Variants in SOAT2 observed in about 807,000 individuals in gnomAD.
SOAT2 encodes the protein sterol O-acyltransferase 2.
Under a neutral mutation model 76.0 loss-of-function variants are expected in SOAT2, and 87 were observed. That is an observed-to-expected ratio of 1.14 (90% confidence interval 0.96 to 1.37). The LOEUF (loss-of-function observed/expected upper bound fraction) is 1.37. Among genes scored for constraint, SOAT2 ranks in the 40% most tolerant of loss-of-function variants. The pLI is 0.00. For synonymous variants in SOAT2, 285 were observed against 275.4 expected, an observed-to-expected ratio of 1.03 and a Z score of -0.34; for missense variants, 686 against 682.1, an observed-to-expected ratio of 1.01 and a Z score of -0.06.
intron 12 of SOAT2, among the ~76,000 whole-genome samples, chr12:53,122,579 C>A (rs1938208180): frequency 6.6e-6 from 1 of 151,992 alleles, no homozygotes; most frequent in Non-Finnish European, 1.5e-5. Flanking sequence ...CAAAGCACAT[C>A]TTGCACCGCC....
chr12:53,122,281 A>G (rs1938202456), intron 12 of SOAT2, among the ~76,000 whole-genome samples: 1 of 141,284 alleles, frequency 7.1e-6, no homozygotes, highest in Non-Finnish European at 1.5e-5. Flanking sequence ...TACATTCATT[A>G]GCAGAAATAC....
Position 53,105,971 on chromosome 12 carries a change from T to A in SOAT2, c.400T>A (p.Phe134Ile). 6.2e-7 allele frequency: 1 copy of A among 1,614,060 alleles called. No individual in the cohort carries two copies. Among genetic ancestry groups the A allele is most frequent in the South Asian group, 1.1e-5 (1 of 91,082 alleles). Residue 134 changes from phenylalanine (F) to isoleucine (I), a missense_variant, in exon 5 of 15, where the codon TTC (phenylalanine) becomes ATC (isoleucine). By Grantham distance (21) the Phe-to-Ile change is conservative. Coordinates refer to ENST00000301466, the MANE Select transcript of SOAT2 (RefSeq NM_003578.4). ...YHMFIAGLCV[F>I]IISTLAIDFI... ...CATGTTCATCGCTGGCCTGTGTGTCTTCATCATCAGCACCCTGGCCATCGA... is the reference window on the plus strand; with the variant it reads ...CATGTTCATCGCTGGCCTGTGTGTCATCATCATCAGCACCCTGGCCATCGA...
intron 5 of SOAT2, among the ~76,000 whole-genome samples, chr12:53,112,560 A>G (rs1343171389): frequency 6.6e-6 from 1 of 151,450 alleles, no homozygotes; most frequent in Non-Finnish European, 1.5e-5. Context: ...AAAAAAAAAA[A>G]AAGACAAGGT....
Position 53,124,116 on chromosome 12 carries a change from A to T in SOAT2, c.1562A>T (p.His521Leu). 6.2e-7 allele frequency: 1 copy of T among 1,614,180 alleles called. No individual in the cohort carries two copies. Among genetic ancestry groups the T allele is most frequent in the Non-Finnish European group, 8.5e-7 (1 of 1,180,030 alleles). Residue 521 changes from histidine (H) to leucine (L), a missense_variant, in exon 15 of 15, where the codon CAT becomes CTT. By Grantham distance (99) the His-to-Leu change is moderately conservative (BLOSUM62 -3). Coordinates refer to ENST00000301466, the MANE Select transcript of SOAT2 (RefSeq NM_003578.4). ...GLVTPRSWSC[H>L]T ...GTGACACCTCGATCTTGGTCCTGCCATACCTAGAGGTCGGGACAGACGACG... is the reference window on the plus strand; with the variant it reads ...GTGACACCTCGATCTTGGTCCTGCCTTACCTAGAGGTCGGGACAGACGACG...
At chr12:53,104,450 T>C (rs893654690) in intron 2 of SOAT2, among the ~76,000 whole-genome samples, 4 of 151,998 alleles carry the variant, frequency 2.6e-5, no homozygotes, top group Non-Finnish European at 5.9e-5. Flanking sequence ...TTTTTTATAT[T>C]TTTAGTAGAG....
At chr12:53,118,259 C>T (rs1277260023) in intron 7 of SOAT2, 91 bp from the exon 8 acceptor site, 1 of 628,136 alleles carries the variant, frequency 1.6e-6, no homozygotes, top group Non-Finnish European at 2.9e-6. Context: ...CATTTCTCCA[C>T]TCACCAATCC....
At chr12:53,121,933 G>A (rs573595648) in intron 12 of SOAT2, among the ~76,000 whole-genome samples, 2 of 147,078 alleles carry the variant, frequency 1.4e-5, no homozygotes, top group African/African-American at 5.0e-5. Context: ...TCAGCCTTTT[G>A]AGTAGCTGGG....
intron 10 of SOAT2, among the ~76,000 whole-genome samples, chr12:53,119,570 A>G (rs573197390): frequency 2.0e-5 from 3 of 149,970 alleles, no homozygotes; most frequent in Admixed American, 2.0e-4. Flanking sequence ...TGATAAGTCA[A>G]TGCTGGCACT....
Position 53,116,112 on chromosome 12 carries a change from A to C in SOAT2, c.724A>C (p.Lys242Gln), listed in dbSNP as rs201724877. 6.2e-7 allele frequency: 1 copy of C among 1,614,156 alleles called. No homozygotes were observed. Among genetic ancestry groups the C allele is most frequent in the Non-Finnish European group, 8.5e-7 (1 of 1,179,974 alleles). Residue 242 changes from lysine (K) to glutamine (Q), a missense_variant, in exon 7 of 15, where the codon AAA (lysine) becomes CAA (glutamine). Coordinates refer to ENST00000301466, the MANE Select transcript of SOAT2 (RefSeq NM_003578.4). ...TCTGCCACAGGTTAGGTTCCTGATG[A>C]AAAGCTACTCCTTCCTGAGAGAGGC... ...LVFEQVRFLM[K>Q]SYSFLREAVP...
chr12:53,106,428 CAGTCTTGTGGGGAAG>C (rs1355921443), intron 5 of SOAT2, among the ~76,000 whole-genome samples: 1 of 152,258 alleles, frequency 6.6e-6, no homozygotes, highest in Non-Finnish European at 1.5e-5. Flanking sequence ...GAGGCACTCC[CAGTCTTGTGGGGAAG>C]ACAGACATGT....
rs755806991 is a variant in SOAT2, at chr12:53,104,215, T to TGTCAGAG, written c.138+21_138+27dup. Reference sequence around the variant, plus strand: ...GGACCCGACACATGGAGGTGAGGGATGTCAGAGGTCAGAGGTCAAGTGGAC... The same window carrying TGTCAGAG: ...GGACCCGACACATGGAGGTGAGGGATGTCAGAGGTCAGAGGTCAGAGGTCAAGTGGAC... On this transcript the variant is annotated intron_variant, in intron 2 of 14. Transcript: ENST00000301466. 7 of 1,610,328 alleles carry TGTCAGAG rather than the reference T, an allele frequency of 4.3e-6. No individual in the cohort carries two copies. Among genetic ancestry groups the TGTCAGAG allele is most frequent in the Non-Finnish European group, 5.9e-6 (7 of 1,177,450 alleles).
chr12:53,109,065 C>T (rs12578427), intron 5 of SOAT2, among the ~76,000 whole-genome samples: 13,202 of 152,052 alleles, frequency 0.087, 768 homozygotes, highest in East Asian at 0.18. Flanking sequence ...GGTGAAACCC[C>T]GTCTCTACTA....
rs763952004 is a variant in SOAT2, at chr12:53,123,711, C to A, written c.1373-17C>A. On this transcript the variant is annotated splice_polypyrimidine_tract_variant and intron_variant, in intron 13 of 14. Coordinates refer to ENST00000301466, the MANE Select transcript of SOAT2 (RefSeq NM_003578.4). ...GCACTCCTGGAGCTGGAATGACAACCTTTCCTCCTGCACCAGGAATGTTGA... is the reference window on the plus strand; with the variant it reads ...GCACTCCTGGAGCTGGAATGACAACATTTCCTCCTGCACCAGGAATGTTGA... 2.5e-6 allele frequency: 4 copies of A among 1,614,022 alleles called. No homozygotes were observed. Among genetic ancestry groups the A allele is most frequent in the South Asian group, 1.1e-5 (1 of 91,066 alleles).
chr12:53,118,196 C>T (rs919363297), intron 7 of SOAT2, among the ~76,000 whole-genome samples, 154 bp from the exon 8 acceptor site: 4 of 151,936 alleles, frequency 2.6e-5, no homozygotes, highest in African/African-American at 7.3e-5. Context: ...TCCCCTAGCC[C>T]GCATCCAGGT....
intron 10 of SOAT2, among the ~76,000 whole-genome samples, chr12:53,120,338 G>A (rs570357671): frequency 3.3e-5 from 5 of 152,144 alleles, no homozygotes; most frequent in South Asian, 2.1e-4. Context: ...GCGTGGTGGC[G>A]GGCGTCTGTA....
chr12:53,107,112 G>A (rs1592275252), intron 5 of SOAT2, among the ~76,000 whole-genome samples: 1 of 152,272 alleles, frequency 6.6e-6, no homozygotes, highest in East Asian at 1.9e-4. Context: ...CTGCATTAGT[G>A]AGACCTGCTT....
intron 3 of SOAT2, 140 bp downstream of exon 3, chr12:53,105,383 C>T: frequency 8.0e-7 from 1 of 1,247,626 alleles, no homozygotes; most frequent in Non-Finnish European, 1.1e-6. Context: ...CTAACACTGA[C>T]CTCCATCTAC....
At chr12:53,107,623 T>G (rs897332417) in intron 5 of SOAT2, among the ~76,000 whole-genome samples, 1 of 128,102 alleles carries the variant, frequency 7.8e-6, no homozygotes, top group Non-Finnish European at 1.6e-5. Context: ...ACAGATGTAC[T>G]TTTTTTTTTT....
chr12:53,113,268 G>A (rs117022202), intron 5 of SOAT2, among the ~76,000 whole-genome samples: 17 of 152,282 alleles, frequency 1.1e-4, no homozygotes, highest in South Asian at 2.1e-4. Context: ...GGGTGGTACC[G>A]GACAAATGGC....
Sources: gnomAD v4.1 joint callset for allele counts (sites outside exome capture counted in the v4.1 genomes callset) on GRCh38, gnomAD v4.1.1 for gene constraint, MANE v1.5 for transcripts, NCBI Gene and HGNC (gene_info 2026-07-23, HGNC 2026-07-21) for gene names.